The following LHFPL6 variants were observed in gnomAD, a reference collection of about 807,000 sequenced individuals.
LHFPL6 encodes the protein LHFPL tetraspan subfamily member 6, also known as LHFPL tetraspan subfamily member 6 protein.
In LHFPL6, 9 loss-of-function variants were observed where a neutral mutation model predicts 20.6. That is an observed-to-expected ratio of 0.44 (90% CI 0.26 to 0.76). LHFPL6 has a LOEUF of 0.76. Among genes scored for constraint, LHFPL6 ranks in the 30% least tolerant of loss-of-function variants. The pLI is 0.20. For missense variants in LHFPL6, 218 were observed against 253.5 expected, an observed-to-expected ratio of 0.86 and a Z score of 0.95; for synonymous variants, 105 against 98.7, an observed-to-expected ratio of 1.06 and a Z score of -0.38.
At chr13:39,547,949 T>C (rs1871030446) in intron 2 of LHFPL6, among the ~76,000 whole-genome samples, 1 of 152,094 alleles carries the variant, frequency 6.6e-6, no homozygotes, top group South Asian at 2.1e-4. Flanking sequence ...CACTTTCTTT[T>C]AGGAACACAA....
At chr13:39,570,810 G>T (rs74044103) in intron 2 of LHFPL6, among the ~76,000 whole-genome samples, 3 of 152,108 alleles carry the variant, frequency 2.0e-5, no homozygotes, top group African/African-American at 7.2e-5. Context: ...GGCATGCCAC[G>T]TGTGTGTTTT....
intron 2 of LHFPL6, among the ~76,000 whole-genome samples, chr13:39,420,045 G>C (rs1177434213): frequency 6.6e-6 from 1 of 152,208 alleles, no homozygotes; most frequent in Non-Finnish European, 1.5e-5. Context: ...ATCACCAGCT[G>C]TGTTTGCACC....
intron 2 of LHFPL6, among the ~76,000 whole-genome samples, chr13:39,510,968 G>A (rs1401938575): frequency 6.6e-6 from 1 of 151,850 alleles, no homozygotes; most frequent in Non-Finnish European, 1.5e-5. Flanking sequence ...CGCCTCCCAG[G>A]TTCAAGCGAT....
intron 2 of LHFPL6, among the ~76,000 whole-genome samples, chr13:39,391,735 G>A (rs575191815): frequency 3.0e-5 from 4 of 135,544 alleles, no homozygotes; most frequent in South Asian, 2.3e-4. Context: ...CCATCAATAC[G>A]GTGGTACAGG....
At position 39,374,339 on chromosome 13, in the gene LHFPL6, T is replaced by C. The variant is rs149323186; in HGVS notation, c.484+4089A>G. The stretch of plus-strand genomic sequence containing the variant: ...GTGGGAGCTAAACACTAAGTACTCA[T>C]GGACATATATGTGGCCAACAATAGA... On this transcript the variant is annotated intron_variant, in intron 3 of 3. Transcript: ENST00000379589. Among the ~76,000 whole-genome samples, 1,139 of 152,194 alleles carry C rather than the reference T, an allele frequency of 7.5e-3. 46 individuals carry two copies. The highest frequency in any genetic ancestry group is 0.055 in the Admixed American group (836 of 15,272).
At chr13:39,441,823 CT>C (rs1168860757) in intron 2 of LHFPL6, among the ~76,000 whole-genome samples, 3,658 of 110,022 alleles carry the variant, frequency 0.033, 34 homozygotes, top group East Asian at 0.14. Context: ...TGGGCTAAAA[CT>C]TTTTTTTTTT....
chr13:39,464,849 T>C (rs908737872), intron 2 of LHFPL6, among the ~76,000 whole-genome samples: 11 of 152,080 alleles, frequency 7.2e-5, no homozygotes, highest in African/African-American at 2.4e-4. Context: ...TGGGGGAAAA[T>C]ATGGCCTTAA....
At chr13:39,593,062 A>C (rs931356510) in intron 2 of LHFPL6, among the ~76,000 whole-genome samples, 1 of 152,234 alleles carries the variant, frequency 6.6e-6, no homozygotes, top group Non-Finnish European at 1.5e-5. Context: ...AAACTGGCAC[A>C]AGACAGGGAT....
At chr13:39,471,755 C>T (rs999764096) in intron 2 of LHFPL6, among the ~76,000 whole-genome samples, 1 of 152,182 alleles carries the variant, frequency 6.6e-6, no homozygotes, top group East Asian at 1.9e-4. Context: ...GAGAAATTAA[C>T]CAAGGAACTA....
At chr13:39,534,572 T>C (rs1870560558) in intron 2 of LHFPL6, among the ~76,000 whole-genome samples, 1 of 152,200 alleles carries the variant, frequency 6.6e-6, no homozygotes, top group Admixed American at 6.5e-5. Flanking sequence ...AATGTGTAAA[T>C]AGCACATTGC....
chr13:39,528,335 G>A (rs1331999494), intron 2 of LHFPL6, among the ~76,000 whole-genome samples: 1 of 152,104 alleles, frequency 6.6e-6, no homozygotes, highest in African/African-American at 2.4e-5. Context: ...AAAAAAACTA[G>A]ATATCTGTAT....
chr13:39,405,603 A>G (rs1049687236), intron 2 of LHFPL6, among the ~76,000 whole-genome samples: 1 of 152,232 alleles, frequency 6.6e-6, no homozygotes. Flanking sequence ...CAGCATGAAC[A>G]GACAACTTCT....
rs113843172 is a variant in LHFPL6 at position 39,482,731 on chromosome 13, G to A, written c.386-104205C>T. 2.4e-3 allele frequency among the ~76,000 whole-genome samples: 361 copies of A among 152,274 alleles called. 2 individuals are homozygous for A. The highest frequency in any genetic ancestry group is 7.9e-3 in the African/African-American group (328 of 41,554). ...GAGAAGGAATACCACTGGAGGAAGA[G>A]AGTAAGAGGGAAGCACAGACAGCAA... is the stretch of plus-strand genomic sequence containing the variant. On this transcript the variant is annotated intron_variant, in intron 2 of 3. Coordinates refer to ENST00000379589, the MANE Select transcript of LHFPL6 (RefSeq NM_005780.3).
At chr13:39,578,512 G>T (rs1023881742) in intron 2 of LHFPL6, among the ~76,000 whole-genome samples, 1 of 152,184 alleles carries the variant, frequency 6.6e-6, no homozygotes, top group African/African-American at 2.4e-5. Context: ...CATGAGGTGT[G>T]AGAGTGATGG....
At chr13:39,545,245 C>CAAAA (rs35606384) in intron 2 of LHFPL6, among the ~76,000 whole-genome samples, 1 of 67,942 alleles carries the variant, frequency 1.5e-5, no homozygotes, top group African/African-American at 7.1e-5. Context: ...GACTCCGTCT[C>CAAAA]AAAAAAAAAA....
chr13:39,464,457 A>C (rs1872754155), intron 2 of LHFPL6, among the ~76,000 whole-genome samples: 1 of 152,186 alleles, frequency 6.6e-6, no homozygotes, highest in Admixed American at 6.5e-5. Context: ...ATAGTTACTA[A>C]AGACAATTAA....
chr13:39,591,084 T>C (rs1468921180), intron 2 of LHFPL6, among the ~76,000 whole-genome samples: 1 of 152,210 alleles, frequency 6.6e-6, no homozygotes, highest in Non-Finnish European at 1.5e-5. Flanking sequence ...CCAAGTATAA[T>C]GGAAAACTCT....
chr13:39,579,709 T>C (rs946544312), intron 2 of LHFPL6, among the ~76,000 whole-genome samples: 2 of 152,202 alleles, frequency 1.3e-5, no homozygotes, highest in African/African-American at 4.8e-5. Context: ...AACCCCTCAA[T>C]TGAGCCCTAA....
At chr13:39,506,730 GA>G (rs777366598) in intron 2 of LHFPL6, among the ~76,000 whole-genome samples, 10 of 151,986 alleles carry the variant, frequency 6.6e-5, no homozygotes, top group Non-Finnish European at 1.3e-4. Flanking sequence ...AGGTGGGGGG[GA>G]AGGTGTGGAA....
Sources: allele counts gnomAD v4.1 joint callset (sites outside exome capture counted in the v4.1 genomes callset), GRCh38; gene constraint gnomAD v4.1.1; transcripts MANE v1.5; gene names NCBI Gene and HGNC (gene_info 2026-07-23, HGNC 2026-07-21).